HAS3: variants seen among roughly 807,000 people sequenced by gnomAD.
The protein encoded by HAS3 is hyaluronan synthase 3.
A neutral mutation model predicts 50.3 loss-of-function variants in HAS3; 27 were observed. The ratio of observed to expected loss-of-function variants is 0.54; its 90% CI spans 0.40 to 0.74. The LOEUF is 0.74. HAS3 is among the 30% of genes least tolerant of loss of function. The pLI, the probability that HAS3 is intolerant of heterozygous loss-of-function variation, is 0.00. For synonymous variants in HAS3, 339 were observed against 310.9 expected (o/e 1.09, Z -0.95); for missense variants, 517 against 742.8 (o/e 0.70, Z 3.53).
chr16:69,087,805 C>T, the HAS3 span, among the ~76,000 whole-genome samples: 15 of 149,692 alleles, frequency 1.0e-4, no homozygotes, highest in Non-Finnish European at 1.9e-4. Flanking sequence ...CAGGTTCAAG[C>T]AATTCTCCTG....
chr16:69,090,126 A>G, the HAS3 span, among the ~76,000 whole-genome samples: 1 of 152,172 alleles, frequency 6.6e-6, no homozygotes, highest in Non-Finnish European at 1.5e-5. Flanking sequence ...GTACAGAAGT[A>G]CAAGCCTTTC....
intron 2 of HAS3, among the ~76,000 whole-genome samples, chr16:69,110,465 G>A (rs1433270838): frequency 2.6e-5 from 4 of 152,160 alleles, no homozygotes; most frequent in South Asian, 4.2e-4. Context: ...GGAGTGCAAC[G>A]GCTATTTAAA....
chr16:69,117,370 C>CA lies in HAS3; in HGVS notation c.*2106dup. ...CAGGCAGGTACAGGTAGTGGGCTCA[C>CA]AACGTTTGACCTCGACTGGTTTTTC... On this transcript the variant is annotated 3_prime_UTR_variant, in exon 4 of 4. Transcript: ENST00000569188. 4.1e-6 allele frequency: 4 copies of CA among 985,778 alleles called. No homozygotes were observed. Among genetic ancestry groups the CA allele is most frequent in the Non-Finnish European group, 4.8e-6 (4 of 829,852 alleles). 61.1% of individuals were successfully genotyped at this position (985,778 alleles called of 1,614,324 possible).
At chr16:69,091,177 A>G in the HAS3 span, among the ~76,000 whole-genome samples, 1 of 152,104 alleles carries the variant, frequency 6.6e-6, no homozygotes, top group African/African-American at 2.4e-5. Flanking sequence ...ATCTTTATTT[A>G]TTACCATATT....
At chr16:69,108,370 G>A (rs943112167) in intron 1 of HAS3, among the ~76,000 whole-genome samples, 4 of 152,150 alleles carry the variant, frequency 2.6e-5, no homozygotes, top group Admixed American at 6.5e-5. Flanking sequence ...AGAGAACTGG[G>A]GCAAGGTCAG....
the HAS3 span, among the ~76,000 whole-genome samples, chr16:69,093,523 C>CTTTTTTT: frequency 5.7e-5 from 5 of 87,462 alleles, no homozygotes; most frequent in African/African-American, 1.4e-4. Context: ...TACAGTGTAT[C>CTTTTTTT]TTTTTTTTTT....
rs1305178809 is a variant in HAS3, at chr16:69,112,153, C to T, written c.637-1288C>T. ...CAGTTAGAAAGACATCCAAGACATC[C>T]CTGGACTGAAGGAAGCAAAGCAGCA... On this transcript the variant is annotated intron_variant, in intron 2 of 3. Coordinates refer to ENST00000569188, the MANE Select transcript of HAS3 (RefSeq NM_001199280.2). Among the ~76,000 whole-genome samples the T allele has an allele frequency of 2.0e-5, 3 of 152,232 alleles. 1 individual carries two copies.
At chr16:69,111,710 A>G (rs1036974037) in intron 2 of HAS3, among the ~76,000 whole-genome samples, 8 of 152,202 alleles carry the variant, frequency 5.3e-5, no homozygotes, top group African/African-American at 1.9e-4. Context: ...AGGAGAGCTT[A>G]GCAGGCTGTT....
At chr16:69,096,034 G>T in the HAS3 span, among the ~76,000 whole-genome samples, 14 of 150,632 alleles carry the variant, frequency 9.3e-5, no homozygotes, top group African/African-American at 3.4e-4. Context: ...GACCAACATG[G>T]TGAAATCTCA....
chr16:69,109,830 G>A lies in HAS3; in HGVS notation c.435G>A (p.Gln145=), dbSNP rs752026030. The change falls in exon 2 of 4, where the codon CAG becomes CAA. Residue 145 remains glutamine (Q), a synonymous_variant. Coordinates refer to ENST00000569188, the MANE Select transcript of HAS3 (RefSeq NM_001199280.2). The surrounding 1 kb of genome is among the most constrained non-coding windows in gnomAD (Gnocchi z 5.3). ...IFHEVLGGTE[Q]AGFFVWRSNF... Reference sequence around the variant, plus strand: ...ACGAGGTGCTGGGCGGCACCGAGCAGGCCGGCTTCTTTGTGTGGCGCAGCA... The same window carrying A: ...ACGAGGTGCTGGGCGGCACCGAGCAAGCCGGCTTCTTTGTGTGGCGCAGCA... 8 of 1,612,842 alleles carry A rather than the reference G, an allele frequency of 5.0e-6. No homozygotes were observed. In the Admixed American group the frequency reaches 1.0e-4, roughly 20 times the overall value.
chr16:69,109,973 A>C lies in HAS3; in HGVS notation c.578A>C (p.Lys193Thr). The part of the protein sequence containing the change: ...FSCIMQKWGG[K>T]REVMYTAFKA... ...TGCATCATGCAGAAGTGGGGAGGCAAGCGCGAGGTCATGTACACGGCCTTC... is the reference window on the plus strand; with the variant it reads ...TGCATCATGCAGAAGTGGGGAGGCACGCGCGAGGTCATGTACACGGCCTTC... Residue 193 changes from lysine (K) to threonine (T), a missense_variant, in exon 2 of 4, where the codon AAG becomes ACG. Transcript: ENST00000569188. The surrounding 1 kb of genome is among the most constrained non-coding windows in gnomAD (Gnocchi z 5.3). 1 of 1,613,898 alleles carries C rather than the reference A, an allele frequency of 6.2e-7. No homozygotes were observed. Among genetic ancestry groups the C allele is most frequent in the Non-Finnish European group, 8.5e-7 (1 of 1,179,872 alleles).
the HAS3 span, among the ~76,000 whole-genome samples, chr16:69,090,068 T>C: frequency 2.6e-5 from 4 of 152,144 alleles, no homozygotes; most frequent in Non-Finnish European, 4.4e-5. Context: ...CTCCATGAAA[T>C]GTTTTGAACA....
chr16:69,115,515 C>T lies in HAS3; in HGVS notation c.*249C>T, dbSNP rs1225388165. The T allele has an allele frequency of 6.5e-6, 8 of 1,226,206 alleles. No individual in the cohort carries two copies. Among genetic ancestry groups the T allele is most frequent in the Non-Finnish European group, 8.1e-6 (8 of 982,886 alleles). The allele number at this position is 1,226,206 out of a possible 1,614,324, so 76.0% of individuals were successfully genotyped here. On this transcript the variant is annotated 3_prime_UTR_variant, in exon 4 of 4. Transcript: ENST00000569188. ...TGTTTTCAGACTGCCTGTCTGCTTG[C>T]ATCTGCACATAGGCAGTAGCCTCCT...
the HAS3 span, among the ~76,000 whole-genome samples, chr16:69,096,518 G>C: frequency 9.9e-6 from 1 of 101,106 alleles, no homozygotes; most frequent in Non-Finnish European, 1.8e-5. Flanking sequence ...CTGGATGACA[G>C]AGGGAGACTC....
chr16:69,099,063 C>A, the HAS3 span, among the ~76,000 whole-genome samples: 2 of 151,618 alleles, frequency 1.3e-5, no homozygotes, highest in African/African-American at 4.9e-5. Flanking sequence ...CTCCGCCTCC[C>A]GGCTTCACGC....
chr16:69,110,470 T>C (rs1960963374), intron 2 of HAS3, among the ~76,000 whole-genome samples: 1 of 152,070 alleles, frequency 6.6e-6, no homozygotes, highest in African/African-American at 2.4e-5. Context: ...GCAACGGCTA[T>C]TTAAAGGCAT....
At chr16:69,118,511 C>G, downstream of HAS3, 1 of 1,060,438 alleles carries the variant, frequency 9.4e-7, no homozygotes, top group Non-Finnish European at 1.5e-6. Flanking sequence ...CTGGGACCTG[C>G]AGGCCAATGT....
At chr16:69,104,668 T>C (rs1960740122), upstream of HAS3, among the ~76,000 whole-genome samples, 1 of 152,136 alleles carries the variant, frequency 6.6e-6, no homozygotes, top group African/African-American at 2.4e-5. Context: ...GGTCTTGAAC[T>C]CCTGGCCTCA....
the HAS3 span, among the ~76,000 whole-genome samples, chr16:69,092,342 C>T: frequency 6.6e-6 from 1 of 152,204 alleles, no homozygotes; most frequent in Non-Finnish European, 1.5e-5. Context: ...GGTGGTCACA[C>T]CTGTAATCCC....
Sources: allele counts gnomAD v4.1 joint callset (sites outside exome capture counted in the v4.1 genomes callset), GRCh38; gene constraint gnomAD v4.1.1; non-coding constraint Gnocchi (gnomAD v3.1); transcripts MANE v1.5; gene names NCBI Gene and HGNC (gene_info 2026-07-23, HGNC 2026-07-21).